The following WDR64 variants were observed in gnomAD, a reference collection of about 807,000 sequenced individuals.
WDR64 encodes the protein WD repeat-containing protein 64.
WDR64 carries 112 observed loss-of-function variants against 139.3 expected under a neutral mutation model. The ratio of observed to expected loss-of-function variants is 0.80; its 90% CI spans 0.69 to 0.94. The LOEUF is 0.94. Among genes scored for constraint, WDR64 ranks in the 40% least tolerant of loss-of-function variants. WDR64 has a pLI of 0.00. For synonymous variants in WDR64, 444 were observed against 437.7 expected (o/e 1.01, Z -0.18); for missense variants, 1,206 against 1,293.1 (o/e 0.93, Z 1.03).
chr1:241,720,136 T>C (rs1458783457), intron 9 of WDR64, among the ~76,000 whole-genome samples: 1 of 152,198 alleles, frequency 6.6e-6, no homozygotes, highest in Non-Finnish European at 1.5e-5. Flanking sequence ...CATGATCTTG[T>C]TCCTTTTTAT....
chr1:241,801,257 C>G lies in WDR64; in HGVS notation c.*42C>G, dbSNP rs4658661. On this transcript the variant is annotated 3_prime_UTR_variant, in exon 28 of 28. Coordinates refer to ENST00000437684, the MANE Select transcript of WDR64 (RefSeq NM_001367482.1). ...ATGGCTGCTGCACATAAAATGGCAA[C>G]GTTTGGATGATACCTGCTCTTTATT... 172,336 of 1,541,288 alleles carry G rather than the reference C, an allele frequency of 0.11. 10,611 individuals are homozygous for G. The highest frequency in any genetic ancestry group is 0.2 in the Admixed American group (12,123 of 59,666).
intron 2 of WDR64, among the ~76,000 whole-genome samples, chr1:241,665,565 A>G (rs938622462): frequency 3.9e-5 from 6 of 152,198 alleles, no homozygotes; most frequent in African/African-American, 1.4e-4. Context: ...TTTTGATGCA[A>G]AGACACTCGG....
chr1:241,657,692 T>A (rs532430894), intron 1 of WDR64, among the ~76,000 whole-genome samples: 4 of 152,296 alleles, frequency 2.6e-5, no homozygotes, highest in Admixed American at 2.0e-4. Flanking sequence ...GCCACCACCA[T>A]ACAATTTTAT....
intron 19 of WDR64, 43 bp downstream of exon 19, chr1:241,771,740 C>T (rs546878256): frequency 3.3e-5 from 44 of 1,353,446 alleles, no homozygotes; most frequent in Non-Finnish European, 4.1e-5. Context: ...AAAGCAACTC[C>T]TTTGCAAGAG....
At position 241,757,292 on chromosome 1, in the gene WDR64, G is replaced by A. The variant is rs774338113; in HGVS notation, c.1780G>A (p.Asp594Asn). Reference sequence around the variant, plus strand: ...TGGATTTCTGTTAAAGGGTAAGGAAGATGATATCTACCTCATGGTGATCTG... The same window carrying A: ...TGGATTTCTGTTAAAGGGTAAGGAAAATGATATCTACCTCATGGTGATCTG... ...GTIKMIQGKE[D>N]DIYLMVIWEL... Residue 594 changes from aspartate to asparagine, a missense_variant, in exon 15 of 28, where the codon GAT becomes AAT. Transcript: ENST00000437684. 1.2e-6 allele frequency: 2 copies of A among 1,613,068 alleles called. No homozygotes were observed. The highest frequency in any genetic ancestry group is 1.1e-5 in the South Asian group (1 of 90,756).
intron 27 of WDR64, among the ~76,000 whole-genome samples, chr1:241,796,796 A>C (rs1659381756): frequency 6.6e-6 from 1 of 152,206 alleles, no homozygotes; most frequent in African/African-American, 2.4e-5. Context: ...GCCCGGCCTC[A>C]GTTCATATTT....
At chr1:241,800,630 G>T in intron 27 of WDR64, among the ~76,000 whole-genome samples, 1 of 152,120 alleles carries the variant, frequency 6.6e-6, no homozygotes, top group East Asian at 1.9e-4. Flanking sequence ...CTGGGTGACA[G>T]AGCAAGACCC....
At chr1:241,667,503 T>C (rs1485685924) in intron 2 of WDR64, among the ~76,000 whole-genome samples, 1 of 152,130 alleles carries the variant, frequency 6.6e-6, no homozygotes, top group Non-Finnish European at 1.5e-5. Context: ...AAAATTATCC[T>C]GGATTATCTA....
chr1:241,722,276 G>A (rs1377834568), intron 9 of WDR64, among the ~76,000 whole-genome samples: 1 of 152,134 alleles, frequency 6.6e-6, no homozygotes. Flanking sequence ...CAATATTCAT[G>A]TGCTGGCCAG....
intron 10 of WDR64, among the ~76,000 whole-genome samples, chr1:241,729,098 T>C (rs1292880188): frequency 6.6e-6 from 1 of 152,252 alleles, no homozygotes; most frequent in African/African-American, 2.4e-5. Flanking sequence ...AATGGTATCA[T>C]TTGTTTCCCA....
rs542429594 is a variant in WDR64 at position 241,770,602 on chromosome 1, T to C, written c.2184-19T>C. 1.1e-5 allele frequency: 17 copies of C among 1,548,626 alleles called. No individual in the cohort carries two copies. The African/African-American group carries it at 2.2e-4, about 20-fold the overall frequency. On this transcript the variant is annotated intron_variant, in intron 17 of 27. Transcript: ENST00000437684. ...ATATCTTAAAGTTTTACCTGTGGGC[T>C]TCCCCACTCCCCTTATAGGAGATCA...
chr1:241,780,131 G>C, intron 22 of WDR64, 69 bp downstream of exon 22: 1 of 1,283,980 alleles, frequency 7.8e-7, no homozygotes, highest in South Asian at 1.3e-5. Flanking sequence ...CTCTGTGCTA[G>C]ACACCATAAA....
intron 10 of WDR64, among the ~76,000 whole-genome samples, chr1:241,724,393 GCAATAGT>G (rs147326258): frequency 0.017 from 2,602 of 152,198 alleles, 81 homozygotes; most frequent in African/African-American, 0.06. Context: ...ATAAAACAGA[GCAATAGT>G]CAATGCAGAA....
intron 25 of WDR64, among the ~76,000 whole-genome samples, chr1:241,793,611 T>C (rs192245171): frequency 2.0e-5 from 3 of 152,356 alleles, no homozygotes; most frequent in Admixed American, 2.0e-4. Context: ...TCTGTCCAAA[T>C]GGAGCTCAGG....
At chr1:241,772,451 C>CTTTTTTTTTTTTTTTTTTTTTTTTT (rs534177884) in intron 19 of WDR64, among the ~76,000 whole-genome samples, 1 of 59,020 alleles carries the variant, frequency 1.7e-5, no homozygotes, top group Non-Finnish European at 3.0e-5. Flanking sequence ...AAGATAGATC[C>CTTTTTTTTTTTTTTTTTTTTTTTTT]TTTTTTTTTT....
At chr1:241,731,473 G>C (rs201503753) in intron 10 of WDR64, among the ~76,000 whole-genome samples, 1 of 152,130 alleles carries the variant, frequency 6.6e-6, no homozygotes, top group African/African-American at 2.4e-5. Flanking sequence ...GGTACTGTGT[G>C]ATAACTACAA....
chr1:241,753,629 G>C (rs1670057912), intron 14 of WDR64, among the ~76,000 whole-genome samples: 2 of 152,160 alleles, frequency 1.3e-5, no homozygotes, highest in Admixed American at 1.3e-4. Flanking sequence ...ACCTGAGCCT[G>C]GAAGGCAGAG....
chr1:241,774,043 A>C (rs1658559891), intron 20 of WDR64, among the ~76,000 whole-genome samples: 1 of 152,240 alleles, frequency 6.6e-6, no homozygotes, highest in Non-Finnish European at 1.5e-5. Flanking sequence ...CAGAAGATTT[A>C]AAATGATTTA....
chr1:241,770,061 C>T (rs1658369308), intron 17 of WDR64, among the ~76,000 whole-genome samples: 1 of 152,220 alleles, frequency 6.6e-6, no homozygotes, highest in Non-Finnish European at 1.5e-5. Context: ...AAATCAGAAG[C>T]TTCTGTGCTG....
Sources: gnomAD v4.1 joint callset for allele counts (sites outside exome capture counted in the v4.1 genomes callset) on GRCh38, gnomAD v4.1.1 for gene constraint, MANE v1.5 for transcripts, NCBI Gene and HGNC (gene_info 2026-07-23, HGNC 2026-07-21) for gene names.